Variants in SH3YL1 observed in about 807,000 individuals in gnomAD.
SH3YL1 encodes the protein SH3 and SYLF domain containing 1, also known as SH3 domain-containing YSC84-like protein 1.
Under a neutral mutation model 45.8 loss-of-function variants are expected in SH3YL1, and 41 were observed. That is an observed-to-expected ratio of 0.89 (90% confidence interval 0.70 to 1.16). The LOEUF (loss-of-function observed/expected upper bound fraction) is 1.16. Ranked by LOEUF, SH3YL1 falls within the 50% of genes most tolerant of loss-of-function variation. The pLI, the probability that SH3YL1 is intolerant of heterozygous loss-of-function variation, is 0.00. For missense variants in SH3YL1, 389 were observed against 409.6 expected (o/e 0.95, Z 0.43); for synonymous variants, 152 against 151.4 (o/e 1.00, Z -0.03).
intron 6 of SH3YL1, among the ~76,000 whole-genome samples, chr2:232,095 T>G (rs544557408): frequency 8.1e-4 from 123 of 152,312 alleles, no homozygotes; most frequent in Middle Eastern, 3.4e-3. Flanking sequence ...CTGTCAGTCT[T>G]AGCTCTTTAT....
intron 1 of SH3YL1, chr2:256,128 T>G (rs913961017): frequency 2.6e-5 from 4 of 152,200 alleles, no homozygotes; most frequent in African/African-American, 9.7e-5. Context: ...TTTCTGTCAT[T>G]AAGTATGAAT....
chr2:243,596 C>G, intron 4 of SH3YL1: 1 of 1,517,440 alleles, frequency 6.6e-7, no homozygotes, highest in Non-Finnish European at 8.8e-7. Context: ...GAGTCGGTAA[C>G]CTGAACTACC....
At chr2:244,269 G>A (rs905738867) in intron 4 of SH3YL1, among the ~76,000 whole-genome samples, 4 of 151,958 alleles carry the variant, frequency 2.6e-5, no homozygotes, top group Non-Finnish European at 4.4e-5. Flanking sequence ...GGCCGAGGCA[G>A]GCGGATCACG....
intron 1 of SH3YL1, among the ~76,000 whole-genome samples, chr2:258,732 G>C (rs1040538774): frequency 2.0e-5 from 3 of 152,088 alleles, no homozygotes; most frequent in Non-Finnish European, 4.4e-5. Context: ...TGGGTGCCCT[G>C]GTTGTTTAAT....
intron 4 of SH3YL1, among the ~76,000 whole-genome samples, chr2:237,148 G>A (rs566543286): frequency 2.0e-5 from 3 of 151,772 alleles, no homozygotes; most frequent in Non-Finnish European, 2.9e-5. Context: ...TTTCCCACTC[G>A]GAAAATACAA....
intron 4 of SH3YL1, among the ~76,000 whole-genome samples, chr2:234,765 G>A (rs1041061262): frequency 5.3e-5 from 8 of 152,256 alleles, no homozygotes; most frequent in African/African-American, 1.7e-4. Flanking sequence ...CCAGGGGTGT[G>A]CTCCTTACCA....
upstream of SH3YL1, chr2:264,651 C>T (rs1162031048): frequency 8.3e-4 from 221 of 267,724 alleles, 1 homozygote; most frequent in Admixed American, 1.9e-3. Flanking sequence ...CTTCCGCGGC[C>T]CTACTCCCTC....
At chr2:243,626 G>A (rs901693572) in intron 4 of SH3YL1, 72 of 1,494,840 alleles carry the variant, frequency 4.8e-5, no homozygotes, top group Non-Finnish European at 5.9e-5. Context: ...GGACGAAGAA[G>A]AGTTTAACTA....
chr2:233,380 T>G, intron 5 of SH3YL1, 151 bp from the exon 6 acceptor site: 1 of 846,702 alleles, frequency 1.2e-6, no homozygotes, highest in Non-Finnish European at 1.6e-6. Flanking sequence ...AGGCCTAAAT[T>G]AGATGTTTTA....
chr2:255,016 T>C (rs889971658), intron 1 of SH3YL1, among the ~76,000 whole-genome samples: 1 of 152,252 alleles, frequency 6.6e-6, no homozygotes, highest in Non-Finnish European at 1.5e-5. Flanking sequence ...TATTGATTGA[T>C]GTCTCATGTC....
At position 252,991 on chromosome 2, in the gene SH3YL1, T is replaced by C; in HGVS notation, c.112+14A>G. On this transcript the variant is annotated intron_variant, in intron 2 of 9. Coordinates refer to ENST00000356150, the MANE Select transcript of SH3YL1 (RefSeq NM_015677.4). ...GACATTTAGAGACAAACAGCACTCATCCTATTTACCTACCAGGAATGATCT... is the reference window on the plus strand; with the variant it reads ...GACATTTAGAGACAAACAGCACTCACCCTATTTACCTACCAGGAATGATCT... The C allele has an allele frequency of 7.0e-7, 1 of 1,434,240 alleles. No homozygotes were observed. The allele number at this position is 1,434,240 out of a possible 1,614,324, so 88.8% of individuals were successfully genotyped here.
At chr2:251,230 C>T (rs908347073) in intron 2 of SH3YL1, among the ~76,000 whole-genome samples, 4 of 152,150 alleles carry the variant, frequency 2.6e-5, no homozygotes, top group Admixed American at 2.0e-4. Context: ...GATTTAATTG[C>T]TAAATTAAGT....
At chr2:247,628 T>G (rs1037083723) in intron 3 of SH3YL1, 26 bp from the exon 4 acceptor site, 6 of 1,540,778 alleles carry the variant, frequency 3.9e-6, no homozygotes, top group Admixed American at 4.0e-5. Flanking sequence ...ACGAACGTTA[T>G]CCTAACATTA....
chr2:234,054 T>G (rs1443909894), intron 5 of SH3YL1, 106 bp downstream of exon 5: 1 of 812,748 alleles, frequency 1.2e-6, no homozygotes, highest in African/African-American at 1.7e-5. Flanking sequence ...TGTATAAATC[T>G]GGGGATGTAC....
At chr2:243,825 G>A (rs180808017) in intron 4 of SH3YL1, among the ~76,000 whole-genome samples, 11 of 152,276 alleles carry the variant, frequency 7.2e-5, no homozygotes, top group African/African-American at 2.4e-4. Flanking sequence ...TAATGTCTCT[G>A]TATATTGAAA....
At chr2:252,638 CATT>C (rs1221817364) in intron 2 of SH3YL1, among the ~76,000 whole-genome samples, 21 of 152,120 alleles carry the variant, frequency 1.4e-4, no homozygotes, top group Middle Eastern at 3.2e-3. Flanking sequence ...ATTATTTTAT[CATT>C]ATTAAGATTA....
At position 248,754 on chromosome 2, in the gene SH3YL1, T is replaced by A. The variant is rs186820720; in HGVS notation, c.226+977A>T. 6.2e-4 allele frequency among the ~76,000 whole-genome samples: 94 copies of A among 152,320 alleles called. 1 individual carries two copies. The East Asian group carries it at 0.017, about 27-fold the overall frequency. ...TCTGACAATGGGCTCCCTTGGAATGTGCCTCTACTTTGTTTGGTTTTACTG... is the reference window on the plus strand; with the variant it reads ...TCTGACAATGGGCTCCCTTGGAATGAGCCTCTACTTTGTTTGGTTTTACTG... On this transcript the variant is annotated intron_variant, in intron 3 of 9. Transcript: ENST00000356150.
intron 9 of SH3YL1, among the ~76,000 whole-genome samples, chr2:223,889 C>T (rs1208506002): frequency 6.6e-6 from 1 of 152,162 alleles, no homozygotes; most frequent in Non-Finnish European, 1.5e-5. Context: ...AGTGGGCTCC[C>T]AGAAGGGGAG....
chr2:218,513 C>T lies in SH3YL1; in HGVS notation c.*298G>A. On this transcript the variant is annotated 3_prime_UTR_variant, in exon 10 of 10. Transcript: ENST00000356150. The stretch of plus-strand genomic sequence containing the variant: ...GATTCTCAAATTAAAACACAGCTAC[C>T]ATATACATGGCCAGATCAAATGCTT... 1.3e-5 allele frequency: 3 copies of T among 238,474 alleles called. No homozygotes were observed. Among genetic ancestry groups the T allele is most frequent in the Non-Finnish European group, 2.4e-5 (3 of 126,072 alleles). The allele number at this position is 238,474 out of a possible 1,614,324, so 14.8% of individuals were successfully genotyped here.
Sources: gnomAD v4.1 joint callset for allele counts (sites outside exome capture counted in the v4.1 genomes callset) on GRCh38, gnomAD v4.1.1 for gene constraint, MANE v1.5 for transcripts, NCBI Gene and HGNC (gene_info 2026-07-23, HGNC 2026-07-21) for gene names.